Variants in ATF7IP2 observed in about 807,000 individuals in gnomAD.
ATF7IP2 encodes activating transcription factor 7-interacting protein 2.
A neutral mutation model predicts 64.2 loss-of-function variants in ATF7IP2; 42 were observed. The observed-to-expected ratio is 0.65, with a 90% CI of 0.51 to 0.85. The LOEUF is 0.85. ATF7IP2 is among the 40% of genes least tolerant of loss of function. The probability of loss-of-function intolerance (pLI) is 0.00; values close to 1 mark genes in which losing one functional copy is unlikely to be tolerated. For missense variants in ATF7IP2, 933 were observed against 784.2 expected (o/e 1.19, Z -2.27); for synonymous variants, 308 against 272.8 (o/e 1.13, Z -1.27).
intron 9 of ATF7IP2, among the ~76,000 whole-genome samples, chr16:10,465,040 G>C (rs1353156572): frequency 2.6e-5 from 4 of 152,172 alleles, no homozygotes; most frequent in Non-Finnish European, 4.4e-5. Flanking sequence ...ATGTTAGTCA[G>C]GCTGCTCTCA....
intron 3 of ATF7IP2, among the ~76,000 whole-genome samples, chr16:10,424,333 C>A (rs1047413466): frequency 3.9e-5 from 6 of 152,052 alleles, no homozygotes; most frequent in Admixed American, 2.0e-4. Context: ...GTCCTGTTCC[C>A]AACAGACCCC....
intron 4 of ATF7IP2, 123 bp from the exon 5 acceptor site, chr16:10,430,488 A>C (rs934794221): frequency 1.7e-6 from 1 of 600,534 alleles, no homozygotes; most frequent in Middle Eastern, 4.5e-4. Context: ...TAAGGTGATT[A>C]TCTAAATATG....
chr16:10,457,748 C>G lies in ATF7IP2; in HGVS notation c.1352+219C>G, dbSNP rs2049230816. ...TTGAGATAGGGTCTCACTTTGTTGT[C>G]CAGGCTGGAGTATAGTGGTACAGTC... is the stretch of plus-strand genomic sequence containing the variant. On this transcript the variant is annotated intron_variant, in intron 9 of 13. Coordinates refer to ENST00000562102, the MANE Select transcript of ATF7IP2 (RefSeq NM_001393719.1). The G allele has an allele frequency of 1.1e-5, 4 of 358,418 alleles. No homozygotes were observed. In the South Asian group the frequency reaches 1.8e-4, roughly 16 times the overall value. 22.2% of individuals were successfully genotyped at this position (358,418 alleles called of 1,614,324 possible).
chr16:10,443,701 G>T, intron 8 of ATF7IP2, among the ~76,000 whole-genome samples: 1 of 152,170 alleles, frequency 6.6e-6, no homozygotes, highest in Non-Finnish European at 1.5e-5. Flanking sequence ...AGGTGAAGTG[G>T]TAGGAGGTGG....
chr16:10,470,827 A>C (rs2049771513), intron 9 of ATF7IP2, among the ~76,000 whole-genome samples: 1 of 139,902 alleles, frequency 7.1e-6, no homozygotes. Context: ...GTGTGTGTAT[A>C]TATATATATA....
chr16:10,481,084 T>TTG, intron 13 of ATF7IP2, 120 bp downstream of exon 13: 1 of 690,038 alleles, frequency 1.4e-6, no homozygotes, highest in Non-Finnish European at 2.5e-6. Context: ...TAGTGTGCTG[T>TTG]TGTTAATCTA....
chr16:10,466,930 C>T (rs1399766379), intron 9 of ATF7IP2, among the ~76,000 whole-genome samples: 1 of 151,424 alleles, frequency 6.6e-6, no homozygotes, highest in African/African-American at 2.4e-5. Flanking sequence ...ATCACCTGTG[C>T]ATCTGTTTCT....
Position 10,482,371 on chromosome 16 carries a change from T to A in ATF7IP2, c.*122T>A. The A allele has an allele frequency of 1.4e-6, 1 of 695,672 alleles. No homozygotes were observed. Among genetic ancestry groups the A allele is most frequent in the Non-Finnish European group, 2.3e-6 (1 of 425,598 alleles). 43.1% of individuals were successfully genotyped at this position (695,672 alleles called of 1,614,324 possible). On this transcript the variant is annotated 3_prime_UTR_variant, in exon 14 of 14. Transcript: ENST00000562102. ...TTGTGAGCCCTTTCTATTGGGACAG[T>A]CCTCTTCTATATGTTTTAAGTGGCC...
At chr16:10,412,291 G>C (rs7204818) in intron 1 of ATF7IP2, among the ~76,000 whole-genome samples, 1 of 151,778 alleles carries the variant, frequency 6.6e-6, no homozygotes, top group African/African-American at 2.4e-5. Flanking sequence ...TGCTCTTTCA[G>C]ACTTTTTGAT....
At chr16:10,432,429 A>G (rs1250884942) in intron 5 of ATF7IP2, among the ~76,000 whole-genome samples, 2 of 152,170 alleles carry the variant, frequency 1.3e-5, no homozygotes, top group Non-Finnish European at 2.9e-5. Context: ...AAATAATAAC[A>G]GTATCATCTA....
chr16:10,430,033 T>C (rs895780125), intron 4 of ATF7IP2, among the ~76,000 whole-genome samples: 8 of 151,838 alleles, frequency 5.3e-5, no homozygotes, highest in African/African-American at 1.9e-4. Context: ...TTTGTACTTT[T>C]AGTAGAGACA....
At chr16:10,394,272 A>G (rs1438205307) in intron 1 of ATF7IP2, among the ~76,000 whole-genome samples, 1 of 152,212 alleles carries the variant, frequency 6.6e-6, no homozygotes, top group African/African-American at 2.4e-5. Flanking sequence ...AATATACTGA[A>G]ACAGTATTGC....
Position 10,406,876 on chromosome 16 carries a change from T to C in ATF7IP2, c.-241-7698T>C, listed in dbSNP as rs555145791. On this transcript the variant is annotated intron_variant, in intron 1 of 13. Coordinates refer to ENST00000562102, the MANE Select transcript of ATF7IP2 (RefSeq NM_001393719.1). ...ATCCTACTGAAATCATTTTGAAAAATAGATGAGGAGGTAATACTTCCAAAC... is the reference window on the plus strand; with the variant it reads ...ATCCTACTGAAATCATTTTGAAAAACAGATGAGGAGGTAATACTTCCAAAC... Among the ~76,000 whole-genome samples, 97 of 152,220 alleles carry C rather than the reference T, an allele frequency of 6.4e-4. 1 individual carries two copies. The highest frequency in any genetic ancestry group is 2.1e-3 in the African/African-American group (86 of 41,544).
At chr16:10,478,569 A>G (rs1020455464) in intron 12 of ATF7IP2, among the ~76,000 whole-genome samples, 9 of 152,220 alleles carry the variant, frequency 5.9e-5, no homozygotes, top group Non-Finnish European at 1.0e-4. Flanking sequence ...AAACCTAGGC[A>G]TGACCATTCA....
chr16:10,400,568 A>C (rs1329121456), intron 1 of ATF7IP2, among the ~76,000 whole-genome samples: 4 of 152,126 alleles, frequency 2.6e-5, no homozygotes, highest in Non-Finnish European at 5.9e-5. Flanking sequence ...GTTTTGTTCA[A>C]GTTCTTAGAG....
intron 8 of ATF7IP2, among the ~76,000 whole-genome samples, chr16:10,442,871 C>T (rs2048675314): frequency 2.0e-5 from 3 of 152,174 alleles, no homozygotes; most frequent in African/African-American, 4.8e-5. Flanking sequence ...ATCCAATCCA[C>T]GTTTTTATTA....
chr16:10,436,780 A>G (rs2141905656), intron 6 of ATF7IP2, among the ~76,000 whole-genome samples: 1 of 152,304 alleles, frequency 6.6e-6, no homozygotes, highest in East Asian at 1.9e-4. Flanking sequence ...ATTGCTTACC[A>G]GGAGGATACA....
At chr16:10,427,103 C>T (rs1475270080) in intron 3 of ATF7IP2, among the ~76,000 whole-genome samples, 2 of 152,196 alleles carry the variant, frequency 1.3e-5, no homozygotes, top group African/African-American at 2.4e-5. Context: ...ATCCGTTCGC[C>T]TCAGCCTTCC....
At chr16:10,407,791 C>G (rs1365733107) in intron 1 of ATF7IP2, among the ~76,000 whole-genome samples, 2 of 152,188 alleles carry the variant, frequency 1.3e-5, no homozygotes, top group African/African-American at 4.8e-5. Flanking sequence ...CCTCATCACC[C>G]TTTCCCCTGA....
Sources: gnomAD v4.1 joint callset for allele counts (sites outside exome capture counted in the v4.1 genomes callset) on GRCh38, gnomAD v4.1.1 for gene constraint, MANE v1.5 for transcripts, NCBI Gene and HGNC (gene_info 2026-07-23, HGNC 2026-07-21) for gene names.